The following UGT1A6 variants were observed in gnomAD, a reference collection of about 807,000 sequenced individuals.
UGT1A6 encodes the protein UDP-glucuronosyltransferase 1A6.
In UGT1A6, 32 loss-of-function variants were observed where a neutral mutation model predicts 44.4. The observed-to-expected ratio is 0.72, with a 90% confidence interval of 0.54 to 0.97. The LOEUF is 0.97. UGT1A6 is among the 50% of genes least tolerant of loss of function. The pLI is 0.00. For missense variants in UGT1A6, 685 were observed against 661.9 expected (o/e 1.03, Z -0.38); for synonymous variants, 238 against 248.5 (o/e 0.96, Z 0.40).
At chr2:233,755,297 A>G in intron 1 of UGT1A6, 2 of 623,206 alleles carry the variant, frequency 3.2e-6, no homozygotes, top group East Asian at 6.1e-5. Context: ...CCTGCGGGGC[A>G]CTGGCACAGC....
chr2:233,724,487 G>GT (rs1420633653), intron 1 of UGT1A6, among the ~76,000 whole-genome samples: 1 of 75,448 alleles, frequency 1.3e-5, no homozygotes, highest in African/African-American at 5.0e-5. Flanking sequence ...CTCAGACGGG[G>GT]CGGCCGGGCA....
At chr2:233,757,576 G>A (rs1017226223) in intron 1 of UGT1A6, among the ~76,000 whole-genome samples, 2 of 82,708 alleles carry the variant, frequency 2.4e-5, no homozygotes, top group African/African-American at 1.1e-4. Flanking sequence ...ATATGATATA[G>A]CTATAGTCTA....
intron 1 of UGT1A6, among the ~76,000 whole-genome samples, chr2:233,730,647 C>T (rs2078057207): frequency 6.6e-6 from 1 of 152,076 alleles, no homozygotes; most frequent in Admixed American, 6.6e-5. Flanking sequence ...GATGTGGGGA[C>T]ATCTCAGAGT....
intron 1 of UGT1A6, chr2:233,760,773 G>C (rs780985622): frequency 2.5e-6 from 4 of 1,613,826 alleles, no homozygotes; most frequent in Non-Finnish European, 3.4e-6. Flanking sequence ...TCGTGGCCCA[G>C]TACCTGTCTC....
intron 1 of UGT1A6, among the ~76,000 whole-genome samples, chr2:233,703,760 T>C (rs973851910): frequency 1.3e-5 from 2 of 152,206 alleles, no homozygotes; most frequent in African/African-American, 2.4e-5. Flanking sequence ...ATGTATCTTC[T>C]GCAGACAAGA....
At chr2:233,697,656 A>T (rs1053465804) in intron 1 of UGT1A6, among the ~76,000 whole-genome samples, 3 of 151,536 alleles carry the variant, frequency 2.0e-5, no homozygotes, top group Non-Finnish European at 2.9e-5. Flanking sequence ...CTTGAGGTGC[A>T]TTCTTAGGTT....
intron 1 of UGT1A6, chr2:233,713,363 A>G (rs753739474): frequency 1.9e-6 from 3 of 1,614,204 alleles, no homozygotes; most frequent in South Asian, 2.2e-5. Context: ...CTTTGATCAT[A>G]CATAGGTCTT....
At position 233,761,035 on chromosome 2, in the gene UGT1A6, T is replaced by C. The variant is rs57307513; in HGVS notation, c.862-5999T>C. On this transcript the variant is annotated intron_variant, in intron 1 of 4. Transcript: ENST00000305139. ...GGTGACTGTCCAGGACCTATTGAGC[T>C]CTGCATCTGTCTGGCTGTTTAGAAG... The C allele has an allele frequency of 4.4e-4, 717 of 1,614,210 alleles. No individual in the cohort carries two copies. Among genetic ancestry groups the C allele is most frequent in the Non-Finnish European group, 5.5e-4 (645 of 1,180,032 alleles).
At chr2:233,697,963 A>G (rs2075419928) in intron 1 of UGT1A6, among the ~76,000 whole-genome samples, 2 of 152,206 alleles carry the variant, frequency 1.3e-5, no homozygotes, top group Non-Finnish European at 2.9e-5. Context: ...ATTTATTCTT[A>G]TTACAAAGAA....
chr2:233,722,551 G>A (rs1195630832), intron 1 of UGT1A6, among the ~76,000 whole-genome samples: 3 of 152,024 alleles, frequency 2.0e-5, no homozygotes, highest in Admixed American at 6.5e-5. Context: ...AGTTTCTTTT[G>A]GTTGATTTGT....
In UGT1A6 at chr2:233,745,466, G is replaced by A. The variant is rs190513469; in HGVS notation, c.862-21568G>A. On this transcript the variant is annotated intron_variant, in intron 1 of 4. Transcript: ENST00000305139. ...AGTAAAGGTCACTCAGTTCTAAGGG[G>A]AAAATGATTAACCAAAGAACATTCT... Among the ~76,000 whole-genome samples, 657 of 151,722 alleles carry A rather than the reference G, an allele frequency of 4.3e-3. 15 individuals carry two copies. Among genetic ancestry groups the A allele is most frequent in the Non-Finnish European group, 5.8e-3 (396 of 68,008 alleles).
At chr2:233,748,450 A>G (rs1693947199) in intron 1 of UGT1A6, among the ~76,000 whole-genome samples, 1 of 151,796 alleles carries the variant, frequency 6.6e-6, no homozygotes, top group South Asian at 2.1e-4. Flanking sequence ...CACAATTTTC[A>G]GGGGAAAGAT....
chr2:233,744,541 T>G (rs1692842272), intron 1 of UGT1A6, among the ~76,000 whole-genome samples: 1 of 151,942 alleles, frequency 6.6e-6, no homozygotes, highest in African/African-American at 2.4e-5. Flanking sequence ...TATGTAAATT[T>G]TATTAAGACA....
At chr2:233,738,971 TG>T (rs2125819893) in intron 1 of UGT1A6, 1 of 152,378 alleles carries the variant, frequency 6.6e-6, no homozygotes, top group Admixed American at 6.5e-5. Context: ...CCCCCACTGC[TG>T]TGTGCAGCCT....
At chr2:233,714,435 T>C (rs1325584515) in intron 1 of UGT1A6, among the ~76,000 whole-genome samples, 1 of 152,078 alleles carries the variant, frequency 6.6e-6, no homozygotes, top group African/African-American at 2.4e-5. Context: ...AAACACAGAG[T>C]TCAGTTTCCA....
rs139410055 is a variant in UGT1A6, at chr2:233,693,465, C to T, written c.461C>T (p.Pro154Leu). The change falls in exon 1 of 5, where the codon CCC becomes CTC. Residue 154 changes from proline to leucine, a missense_variant. Pro to Leu is a moderately conservative substitution (Grantham distance 98). Transcript: ENST00000305139. ...FDALFTDPAL[P>L]CGVILAEYLG... ...GCTCTTTTCACAGACCCAGCCTTAC[C>T]CTGTGGGGTGATCCTGGCTGAGTAT... 3.7e-6 allele frequency: 6 copies of T among 1,614,070 alleles called. No individual in the cohort carries two copies. The highest frequency in any genetic ancestry group is 5.1e-6 in the Non-Finnish European group (6 of 1,180,012).
At chr2:233,707,711 C>T (rs4663325) in intron 1 of UGT1A6, among the ~76,000 whole-genome samples, 22,514 of 152,132 alleles carry the variant, frequency 0.15, 1,958 homozygotes, top group South Asian at 0.24. Flanking sequence ...CTTTTCACTA[C>T]TGTGAACAAT....
At chr2:233,735,659 T>C (rs1049518793) in intron 1 of UGT1A6, among the ~76,000 whole-genome samples, 2 of 152,208 alleles carry the variant, frequency 1.3e-5, no homozygotes, top group African/African-American at 2.4e-5. Context: ...TGGTGTTTCT[T>C]TCCATGTTTA....
chr2:233,701,384 C>T (rs558029810), intron 1 of UGT1A6, among the ~76,000 whole-genome samples: 5 of 152,108 alleles, frequency 3.3e-5, no homozygotes, highest in Non-Finnish European at 7.4e-5. Context: ...GACTCCCACA[C>T]AATAATAGTG....
Sources: allele counts gnomAD v4.1 joint callset (sites outside exome capture counted in the v4.1 genomes callset), GRCh38; gene constraint gnomAD v4.1.1; transcripts MANE v1.5; gene names NCBI Gene and HGNC (gene_info 2026-07-23, HGNC 2026-07-21).